The following CFAP54 variants were observed in gnomAD, a reference collection of about 807,000 sequenced individuals.
CFAP54 encodes the protein cilia- and flagella-associated protein 54.
In CFAP54, 290 loss-of-function variants were observed where a neutral mutation model predicts 370.4. The observed-to-expected ratio is 0.78, with a 90% CI of 0.71 to 0.86. CFAP54 has a LOEUF of 0.86. Among genes scored for constraint, CFAP54 ranks in the 40% least tolerant of loss-of-function variants. CFAP54 has a pLI of 0.00. For synonymous variants in CFAP54, 1,206 were observed against 1,236.5 expected, an observed-to-expected ratio of 0.98 and a Z score of 0.52; for missense variants, 3,399 against 3,528.7, an observed-to-expected ratio of 0.96 and a Z score of 0.93.
intron 17 of CFAP54, among the ~76,000 whole-genome samples, chr12:96,560,789 T>C (rs1258775021): frequency 6.6e-6 from 1 of 152,222 alleles, no homozygotes; most frequent in East Asian, 1.9e-4. Context: ...CTGTTGGTGA[T>C]GTAGGAATGA....
chr12:96,620,685 C>T (rs1956477715), intron 26 of CFAP54, among the ~76,000 whole-genome samples: 1 of 152,214 alleles, frequency 6.6e-6, no homozygotes, highest in South Asian at 2.1e-4. Context: ...CCTAAGGGGC[C>T]CACAATGAGT....
At chr12:96,557,101 T>C (rs1323755329) in intron 17 of CFAP54, among the ~76,000 whole-genome samples, 3 of 151,854 alleles carry the variant, frequency 2.0e-5, no homozygotes, top group African/African-American at 4.8e-5. Context: ...TGTATTCCTT[T>C]CTGGAGGCTC....
intron 26 of CFAP54, among the ~76,000 whole-genome samples, chr12:96,615,583 G>A (rs900721727): frequency 2.0e-5 from 3 of 152,096 alleles, no homozygotes; most frequent in Non-Finnish European, 4.4e-5. Context: ...GCAACCTACA[G>A]AATGGGAGAA....
At chr12:96,667,421 T>C (rs1175831121) in intron 39 of CFAP54, among the ~76,000 whole-genome samples, 1 of 152,166 alleles carries the variant, frequency 6.6e-6, no homozygotes, top group Non-Finnish European at 1.5e-5. Context: ...CCATATATCC[T>C]CTGAAATCTA....
chr12:96,863,534 T>A (rs532458551), intron 67 of CFAP54, among the ~76,000 whole-genome samples: 1 of 152,346 alleles, frequency 6.6e-6, no homozygotes, highest in Non-Finnish European at 1.5e-5. Flanking sequence ...ATCGCTAAGC[T>A]GGCCTCCTCT....
Position 96,740,041 on chromosome 12 carries a change from C to T in CFAP54, c.7051C>T (p.Pro2351Ser), listed in dbSNP as rs766543079. The T allele has an allele frequency of 1.3e-6, 2 of 1,597,228 alleles. No homozygotes were observed. The highest frequency in any genetic ancestry group is 8.6e-7 in the Non-Finnish European group (1 of 1,167,318). The change falls in exon 51 of 68, where the codon CCT becomes TCT. Residue 2351 changes from proline (P) to serine (S), a missense_variant. Physicochemically the swap from Pro to Ser is moderately conservative, Grantham distance 74. This residue lies in a region of CFAP54 where 2,796 missense variants were observed against 2,869.7 expected (regional missense o/e 0.97). Transcript: ENST00000524981. ...GGTAGTACAGGATGACACAGAGAATCCTGTCTCTCCAGGAACTTCTGTAAG... is the reference window on the plus strand; with the variant it reads ...GGTAGTACAGGATGACACAGAGAATTCTGTCTCTCCAGGAACTTCTGTAAG... ...KKVVQDDTENPVSPGTSVTEN... is the reference protein window; with the variant it reads ...KKVVQDDTENSVSPGTSVTEN...
chr12:96,662,040 A>G (rs1414260531), intron 38 of CFAP54, among the ~76,000 whole-genome samples: 1 of 152,008 alleles, frequency 6.6e-6, no homozygotes, highest in African/African-American at 2.4e-5. Context: ...CTCAAAATAC[A>G]ATCCAAATTG....
chr12:96,765,160 A>T lies in CFAP54; in HGVS notation c.8223A>T (p.Pro2741=). 6.5e-7 allele frequency: 1 copy of T among 1,542,728 alleles called. No individual in the cohort carries two copies. Among genetic ancestry groups the T allele is most frequent in the Non-Finnish European group, 8.8e-7 (1 of 1,131,650 alleles). ...RMHKVNQVAL[P]NIPEFAALDL... is the part of the protein sequence containing the mutation. ...ATAAAGTTAACCAAGTGGCATTACC[A>T]AATATCCCAGAATTTGCTGCTCTGG... Residue 2741 remains proline, a synonymous_variant, in exon 60 of 68, where the codon CCA becomes CCT. Coordinates refer to ENST00000524981, the MANE Select transcript of CFAP54 (RefSeq NM_001306084.2).
At chr12:96,776,153 G>A (rs1194260056) in intron 60 of CFAP54, among the ~76,000 whole-genome samples, 1 of 151,938 alleles carries the variant, frequency 6.6e-6, no homozygotes, top group African/African-American at 2.4e-5. Flanking sequence ...ATTAGTTATA[G>A]CAAAAAGAAA....
At chr12:96,649,642 C>T (rs984372526) in intron 34 of CFAP54, among the ~76,000 whole-genome samples, 8 of 152,196 alleles carry the variant, frequency 5.3e-5, no homozygotes, top group Admixed American at 1.3e-4. Flanking sequence ...CTTTTGCCAT[C>T]GACTTTGTCT....
intron 62 of CFAP54, among the ~76,000 whole-genome samples, chr12:96,790,152 A>G (rs1323465543): frequency 6.6e-6 from 1 of 152,210 alleles, no homozygotes; most frequent in Non-Finnish European, 1.5e-5. Context: ...GTTACATTAA[A>G]AATTTCCCAA....
intron 19 of CFAP54, among the ~76,000 whole-genome samples, chr12:96,573,594 A>G (rs1955947066): frequency 6.6e-6 from 1 of 152,106 alleles, no homozygotes; most frequent in Non-Finnish European, 1.5e-5. Context: ...GCCTTTTATG[A>G]CATTGCTCCC....
intron 65 of CFAP54, among the ~76,000 whole-genome samples, chr12:96,818,327 T>C (rs1958998554): frequency 6.6e-6 from 1 of 152,244 alleles, no homozygotes; most frequent in Non-Finnish European, 1.5e-5. Flanking sequence ...ATATTACATA[T>C]ATTTTTTCTA....
chr12:96,826,990 C>A (rs9705867), intron 65 of CFAP54, among the ~76,000 whole-genome samples: 102,096 of 130,430 alleles, frequency 0.78, 39,719 homozygotes, highest in South Asian at 0.9. Context: ...ATATAATATG[C>A]AATTATATAT....
intron 39 of CFAP54, among the ~76,000 whole-genome samples, chr12:96,672,700 T>A (rs767469257): frequency 1.3e-5 from 2 of 152,214 alleles, no homozygotes; most frequent in African/African-American, 2.4e-5. Context: ...TTTATTGAGC[T>A]TGTCTGTGAA....
chr12:96,622,325 G>A (rs61939381), intron 27 of CFAP54, among the ~76,000 whole-genome samples: 983 of 34,648 alleles, frequency 0.028, 11 homozygotes, highest in Middle Eastern at 0.17. Flanking sequence ...CTGCCTGCCC[G>A]CCCGCCCTCC....
At chr12:96,530,044 T>G (rs535084106) in intron 9 of CFAP54, among the ~76,000 whole-genome samples, 1 of 152,352 alleles carries the variant, frequency 6.6e-6, no homozygotes, top group African/African-American at 2.4e-5. Context: ...TACTTCTATA[T>G]GTATATTCAG....
chr12:96,594,892 G>A (rs896267609), intron 25 of CFAP54, among the ~76,000 whole-genome samples: 1 of 151,892 alleles, frequency 6.6e-6, no homozygotes, highest in Non-Finnish European at 1.5e-5. Context: ...CTGGCTGAAG[G>A]GATTATATAG....
intron 48 of CFAP54, among the ~76,000 whole-genome samples, chr12:96,709,531 T>G (rs10735348): frequency 0.87 from 132,182 of 151,992 alleles, 57,814 homozygotes; most frequent in African/African-American, 0.95. Context: ...TTTGTCAAGT[T>G]ATTTTTATCA....
Sources: allele counts gnomAD v4.1 joint callset (sites outside exome capture counted in the v4.1 genomes callset), GRCh38; gene constraint gnomAD v4.1.1; regional missense constraint gnomAD v4.1.1; transcripts MANE v1.5; gene names NCBI Gene and HGNC (gene_info 2026-07-23, HGNC 2026-07-21).